The following RORB variants were observed in gnomAD, a reference collection of about 807,000 sequenced individuals.
RORB encodes the protein RAR related orphan receptor B.
A neutral mutation model predicts 59.1 loss-of-function variants in RORB; 6 were observed. The observed-to-expected ratio is 0.10, with a 90% CI of 0.06 to 0.20. RORB has a LOEUF of 0.20. RORB is among the 10% of genes least tolerant of loss of function. The pLI, the probability that RORB is intolerant of heterozygous loss-of-function variation, is 1.00. For synonymous variants in RORB, 215 were observed against 204.5 expected, an observed-to-expected ratio of 1.05 and a Z score of -0.44; for missense variants, 320 against 560.5, an observed-to-expected ratio of 0.57 and a Z score of 4.33.
intron 3 of RORB, among the ~76,000 whole-genome samples, chr9:74,635,949 A>C (rs1318063904): frequency 8.4e-6 from 1 of 118,478 alleles, no homozygotes; most frequent in Non-Finnish European, 1.8e-5. Context: ...TATAAAACAA[A>C]TTTGACCAAA....
Position 74,617,349 on chromosome 9 carries a change from T to C in RORB, c.8-12933T>C, listed in dbSNP as rs1587387339. 1.3e-5 allele frequency among the ~76,000 whole-genome samples: 2 copies of C among 152,322 alleles called. 1 individual carries two copies. Among genetic ancestry groups the C allele is most frequent in the Admixed American group, 1.3e-4 (2 of 15,304 alleles). On this transcript the variant is annotated intron_variant, in intron 1 of 9. Coordinates refer to ENST00000376896, the MANE Select transcript of RORB (RefSeq NM_006914.4). ...GATGGAAATTTGTTAAAGTGAAATT[T>C]GAAAATTATAATGTTATTTCTCACT...
intron 1 of RORB, among the ~76,000 whole-genome samples, chr9:74,624,094 C>T (rs867577094): frequency 6.6e-6 from 1 of 152,178 alleles, no homozygotes; most frequent in Non-Finnish European, 1.5e-5. Flanking sequence ...TAATCCTACA[C>T]ATGATGCCTT....
At chr9:74,556,082 C>T (rs927060921) in intron 1 of RORB, among the ~76,000 whole-genome samples, 13 of 152,108 alleles carry the variant, frequency 8.5e-5, no homozygotes, top group Non-Finnish European at 1.6e-4. Context: ...GACGTCGTTA[C>T]TTTCTGCCTT....
rs1181088789 is a variant in RORB, at chr9:74,688,288, G to T, written c.*2670G>T. On this transcript the variant is annotated 3_prime_UTR_variant, in exon 10 of 10. Transcript: ENST00000376896. ...AGTTGAGAGAAGAGATTTCTAGTTT[G>T]GGTTACAGTTGCCCAACCTTCCCTT... 6.6e-6 allele frequency: 1 copy of T among 152,152 alleles called. No individual in the cohort carries two copies. The highest frequency in any genetic ancestry group is 1.5e-5 in the Non-Finnish European group (1 of 68,038). 9.4% of individuals were successfully genotyped at this position (152,152 alleles called of 1,614,324 possible).
At chr9:74,661,946 C>T (rs1028832744) in intron 5 of RORB, among the ~76,000 whole-genome samples, 3 of 151,904 alleles carry the variant, frequency 2.0e-5, no homozygotes, top group African/African-American at 7.3e-5. Context: ...CGCCCGGCCT[C>T]GGAATTCTTT....
intron 1 of RORB, among the ~76,000 whole-genome samples, chr9:74,613,403 AG>A (rs564637589): frequency 2.0e-5 from 3 of 152,310 alleles, no homozygotes; most frequent in African/African-American, 7.2e-5. Context: ...TTATGACTAT[AG>A]GTTCCCAGAC....
chr9:74,600,417 G>C (rs189377382), intron 1 of RORB, among the ~76,000 whole-genome samples: 2 of 152,182 alleles, frequency 1.3e-5, no homozygotes, highest in Admixed American at 6.5e-5. Flanking sequence ...AAACCTCTCC[G>C]TTCATCACTG....
intron 1 of RORB, among the ~76,000 whole-genome samples, chr9:74,571,273 C>T (rs901935555): frequency 6.6e-6 from 1 of 151,764 alleles, no homozygotes; most frequent in Non-Finnish European, 1.5e-5. Context: ...ATCATTCATC[C>T]CTCAAATTCT....
rs1823887346 is a variant in RORB at position 74,645,786 on chromosome 9, A to AC, written c.637+2971_637+2972insC. Among the ~76,000 whole-genome samples the AC allele has an allele frequency of 5.9e-5, 9 of 152,282 alleles. No homozygotes were observed. The South Asian group carries it at 1.9e-3, about 32-fold the overall frequency. ...GAGGCTTAGAAGTTATATAACTTGT[A>AC]AAAAGCAAAGAACACTTATAAGCCC... On this transcript the variant is annotated intron_variant, in intron 4 of 9. Transcript: ENST00000376896.
At chr9:74,583,225 A>C (rs1822750982) in intron 1 of RORB, among the ~76,000 whole-genome samples, 1 of 152,134 alleles carries the variant, frequency 6.6e-6, no homozygotes, top group South Asian at 2.1e-4. Context: ...TTGCCTCAGT[A>C]GATGGTTATA....
intron 2 of RORB, among the ~76,000 whole-genome samples, chr9:74,631,415 C>A (rs1278818971): frequency 6.6e-6 from 1 of 152,168 alleles, no homozygotes; most frequent in Non-Finnish European, 1.5e-5. Flanking sequence ...GTGAATTATT[C>A]TTTTAAGGCC....
intron 8 of RORB, among the ~76,000 whole-genome samples, chr9:74,670,311 C>T (rs184806776): frequency 4.8e-4 from 73 of 152,176 alleles, no homozygotes; most frequent in African/African-American, 1.7e-3. Context: ...TCCAAGGAAG[C>T]GTTAGAAAGA....
chr9:74,611,680 G>A (rs7850826), intron 1 of RORB, among the ~76,000 whole-genome samples: 116,878 of 152,022 alleles, frequency 0.77, 45,582 homozygotes, highest in East Asian at 0.93. Context: ...ATGGAGTTTC[G>A]CTATTATTGC....
chr9:74,634,665 C>A lies in RORB; in HGVS notation c.128C>A (p.Ser43Tyr). ...AGGAGGAGCCAGCAGAACAATGCTTCTTATTCCTGCCCAAGGCAGAGAAAC... is the reference window on the plus strand; with the variant it reads ...AGGAGGAGCCAGCAGAACAATGCTTATTATTCCTGCCCAAGGCAGAGAAAC... ...FFRRSQQNNASYSCPRQRNCL... is the reference protein window; with the variant it reads ...FFRRSQQNNAYYSCPRQRNCL... The change falls in exon 3 of 10, where the codon TCT becomes TAT. Residue 43 changes from serine (S) to tyrosine (Y), a missense_variant. Coordinates refer to ENST00000376896, the MANE Select transcript of RORB (RefSeq NM_006914.4). 6.2e-7 allele frequency: 1 copy of A among 1,613,254 alleles called. No homozygotes were observed. Among genetic ancestry groups the A allele is most frequent in the Non-Finnish European group, 8.5e-7 (1 of 1,179,564 alleles).
At position 74,691,754 on chromosome 9, in the gene RORB, T is replaced by C. The variant is rs1286235984; in HGVS notation, c.*6136T>C. On this transcript the variant is annotated 3_prime_UTR_variant, in exon 10 of 10. Transcript: ENST00000376896. ...TGCTTCCTTTCTGCGTGTTATGTACTTCTCAGTTTTTTAATGGAAACTGGT... is the reference window on the plus strand; with the variant it reads ...TGCTTCCTTTCTGCGTGTTATGTACCTCTCAGTTTTTTAATGGAAACTGGT... 6.6e-6 allele frequency: 1 copy of C among 152,160 alleles called. No homozygotes were observed. Among genetic ancestry groups the C allele is most frequent in the Non-Finnish European group, 1.5e-5 (1 of 68,024 alleles). 9.4% of individuals were successfully genotyped at this position (152,160 alleles called of 1,614,324 possible).
At chr9:74,524,166 G>A (rs1826122526) in intron 1 of RORB, among the ~76,000 whole-genome samples, 3 of 151,756 alleles carry the variant, frequency 2.0e-5, no homozygotes, top group Non-Finnish European at 2.9e-5. Context: ...GGGGTTTTAT[G>A]TGAGGTGCTA....
At chr9:74,651,557 A>G (rs1294871157) in intron 4 of RORB, among the ~76,000 whole-genome samples, 3 of 151,852 alleles carry the variant, frequency 2.0e-5, no homozygotes, top group Admixed American at 2.0e-4. Context: ...AAGGAAAGAA[A>G]ATTCTCATGT....
chr9:74,544,373 A>G lies in RORB; in HGVS notation c.7+46390A>G, dbSNP rs572130629. ...CCACAGGATGTCTATGCACAATTCA[A>G]TACTGTAAATGGTTAAAGCCAAAGG... On this transcript the variant is annotated intron_variant, in intron 1 of 9. Transcript: ENST00000376896. Among the ~76,000 whole-genome samples, 7 of 152,204 alleles carry G rather than the reference A, an allele frequency of 4.6e-5. No individual in the cohort carries two copies. The East Asian group carries it at 1.2e-3, about 25-fold the overall frequency.
At chr9:74,683,491 G>A (rs1232235359) in intron 9 of RORB, among the ~76,000 whole-genome samples, 1 of 152,046 alleles carries the variant, frequency 6.6e-6, no homozygotes, top group East Asian at 1.9e-4. Flanking sequence ...TGAACTATGA[G>A]GGCTTACATA....
Sources: gnomAD v4.1 joint callset for allele counts (sites outside exome capture counted in the v4.1 genomes callset) on GRCh38, gnomAD v4.1.1 for gene constraint, MANE v1.5 for transcripts, NCBI Gene and HGNC (gene_info 2026-07-23, HGNC 2026-07-21) for gene names.